Variants in SMAD3 observed in about 807,000 individuals in gnomAD.
SMAD3 encodes MAD homolog 3.
Under a neutral mutation model 51.8 loss-of-function variants are expected in SMAD3, and 12 were observed. The observed-to-expected ratio is 0.23, with a 90% confidence interval of 0.15 to 0.38. SMAD3 has a LOEUF of 0.38. Ranked by LOEUF, SMAD3 falls within the 10% of genes least tolerant of loss-of-function variation. The pLI is 1.00. For missense variants in SMAD3, 294 were observed against 565.6 expected (o/e 0.52, Z 4.87); for synonymous variants, 238 against 227.7 (o/e 1.05, Z -0.41).
At chr15:67,098,381 A>G (rs1960666726) in intron 1 of SMAD3, among the ~76,000 whole-genome samples, 1 of 151,708 alleles carries the variant, frequency 6.6e-6, no homozygotes, top group East Asian at 1.9e-4. Flanking sequence ...CAAGCAAGCC[A>G]GCAGGATTTG....
chr15:67,177,886 G>A (rs929999731), intron 5 of SMAD3, among the ~76,000 whole-genome samples: 3 of 152,222 alleles, frequency 2.0e-5, no homozygotes, highest in South Asian at 2.1e-4. Context: ...GGGAAATCAC[G>A]GCTGGCTTTT....
chr15:67,132,270 C>T (rs535190894), intron 1 of SMAD3, among the ~76,000 whole-genome samples: 1 of 152,306 alleles, frequency 6.6e-6, no homozygotes, highest in East Asian at 1.9e-4. Flanking sequence ...GCGAACGTCT[C>T]ACCCTGACCC....
intron 4 of SMAD3, among the ~76,000 whole-genome samples, chr15:67,169,625 T>A (rs1261757269): frequency 2.7e-5 from 4 of 145,804 alleles, no homozygotes; most frequent in Non-Finnish European, 4.6e-5. Flanking sequence ...ACGGCTTATT[T>A]TTTTTTTTTT....
chr15:67,105,703 G>A (rs1960861777), intron 1 of SMAD3, among the ~76,000 whole-genome samples: 2 of 152,234 alleles, frequency 1.3e-5, no homozygotes, highest in Admixed American at 6.5e-5. Flanking sequence ...GGGAGAAACA[G>A]GAATGTGTCT....
intron 1 of SMAD3, among the ~76,000 whole-genome samples, chr15:67,164,108 G>A (rs11852653): frequency 0.19 from 29,352 of 151,630 alleles, 3,537 homozygotes; most frequent in Non-Finnish European, 0.28. Context: ...TTAGGAGATC[G>A]AGACCATCCT....
rs760125895 is a variant in SMAD3 at position 67,092,741 on chromosome 15, A to G, written c.206+26381A>G. On this transcript the variant is annotated intron_variant, in intron 1 of 8. Transcript: ENST00000327367. Reference sequence around the variant, plus strand: ...GGTAGGGCTGTGCCCCTTTAGGCCCAAGCCTGCCCTTGCTCTTAACCTCTT... The same window carrying G: ...GGTAGGGCTGTGCCCCTTTAGGCCCGAGCCTGCCCTTGCTCTTAACCTCTT... 1.5e-3 allele frequency among the ~76,000 whole-genome samples: 235 copies of G among 152,330 alleles called. 1 individual carries two copies. The Middle Eastern group carries it at 0.031, about 20-fold the overall frequency.
At chr15:67,178,541 A>AAACTGAGGTTACAG (rs1962967068) in intron 5 of SMAD3, among the ~76,000 whole-genome samples, 1 of 152,212 alleles carries the variant, frequency 6.6e-6, no homozygotes, top group Admixed American at 6.5e-5. Flanking sequence ...ACGGACTACA[A>AAACTGAGGTTACAG]AACTGAGGTT....
chr15:67,170,521 T>G (rs770756525), intron 4 of SMAD3, 33 bp from the exon 5 acceptor site: 33 of 1,599,368 alleles, frequency 2.1e-5, no homozygotes, highest in Non-Finnish European at 2.7e-5. Context: ...CAAGAATCTT[T>G]TGTGAAGTCT....
At chr15:67,190,030 T>G (rs11629568) in intron 8 of SMAD3, among the ~76,000 whole-genome samples, 46,221 of 151,760 alleles carry the variant, frequency 0.3, 9,009 homozygotes, top group Non-Finnish European at 0.45. Context: ...ACGTGCCCGT[T>G]TGGTACAGAT....
intron 1 of SMAD3, among the ~76,000 whole-genome samples, chr15:67,145,137 G>A (rs1961941552): frequency 6.6e-6 from 1 of 152,164 alleles, no homozygotes; most frequent in Non-Finnish European, 1.5e-5. Flanking sequence ...CTGTGTGTAA[G>A]AAAAATCAGT....
In SMAD3 at chr15:67,077,236, T is replaced by C. The variant is rs946009916; in HGVS notation, c.206+10876T>C. On this transcript the variant is annotated intron_variant, in intron 1 of 8. Transcript: ENST00000327367. ...AGGCATTTCTGTATGTATGTATGTA[T>C]GTACGTATGTATGTATGTATGTATT... is the stretch of plus-strand genomic sequence containing the variant. 2.6e-5 allele frequency among the ~76,000 whole-genome samples: 4 copies of C among 152,266 alleles called. No individual in the cohort carries two copies. In the East Asian group the frequency reaches 5.8e-4, roughly 22 times the overall value.
chr15:67,168,920 G>A (rs1366365738), intron 4 of SMAD3, among the ~76,000 whole-genome samples: 1 of 152,036 alleles, frequency 6.6e-6, no homozygotes, highest in Non-Finnish European at 1.5e-5. Flanking sequence ...CGGGCCAGAG[G>A]GTCACGTTGT....
chr15:67,090,231 T>C (rs1242910345), intron 1 of SMAD3, among the ~76,000 whole-genome samples: 1 of 152,134 alleles, frequency 6.6e-6, no homozygotes, highest in East Asian at 1.9e-4. Flanking sequence ...AGAATCTTGG[T>C]GCCTCTCCTG....
chr15:67,074,034 C>T (rs550012484), intron 1 of SMAD3, among the ~76,000 whole-genome samples: 1 of 152,344 alleles, frequency 6.6e-6, no homozygotes, highest in Admixed American at 6.5e-5. Flanking sequence ...AATGACAGAT[C>T]TTTCTTAATT....
At chr15:67,166,700 G>T in intron 3 of SMAD3, 79 bp from the exon 4 acceptor site, 1 of 888,008 alleles carries the variant, frequency 1.1e-6, no homozygotes, top group Non-Finnish European at 1.9e-6. Context: ...TGGTGTGCAT[G>T]TGTGATGTCT....
chr15:67,084,272 G>A (rs1192766836), intron 1 of SMAD3, among the ~76,000 whole-genome samples: 3 of 150,846 alleles, frequency 2.0e-5, no homozygotes, highest in East Asian at 3.9e-4. Flanking sequence ...TAGTAGAGAC[G>A]GGGTTTCTTT....
In SMAD3 at chr15:67,065,817, C is replaced by T. The variant is rs1595881861; in HGVS notation, c.-338C>T. The stretch of plus-strand genomic sequence containing the variant: ...CGGAGGCGGCACCCAAACAGCTACC[C>T]CGTGCGGAAACCCAAACTTCTGCTG... On this transcript the variant is annotated 5_prime_UTR_variant, in exon 1 of 9. Coordinates refer to ENST00000327367, the MANE Select transcript of SMAD3 (RefSeq NM_005902.4). 4.7e-6 allele frequency: 1 copy of T among 210,734 alleles called. No individual in the cohort carries two copies. Among genetic ancestry groups the T allele is most frequent in the Admixed American group, 5.9e-5 (1 of 16,930 alleles). The allele number at this position is 210,734 out of a possible 1,614,324, so 13.1% of individuals were successfully genotyped here. A position where few individuals can be genotyped will look rare whatever the true frequency, so the allele number is the denominator to read the frequency against.
rs146947992 is a variant in SMAD3, at chr15:67,069,984, G to A, written c.206+3624G>A. On this transcript the variant is annotated intron_variant, in intron 1 of 8. Transcript: ENST00000327367. Reference sequence around the variant, plus strand: ...CTGCCAAAGTGCTGGGATTACAGGCGTGAGCCACCGCGCCTCACCGAATCT... The same window carrying A: ...CTGCCAAAGTGCTGGGATTACAGGCATGAGCCACCGCGCCTCACCGAATCT... 7.2e-5 allele frequency among the ~76,000 whole-genome samples: 11 copies of A among 152,264 alleles called. No homozygotes were observed. In the East Asian group the frequency reaches 7.7e-4, roughly 11 times the overall value.
intron 1 of SMAD3, among the ~76,000 whole-genome samples, chr15:67,164,442 C>T (rs1734171646): frequency 6.6e-6 from 1 of 151,758 alleles, no homozygotes; most frequent in African/African-American, 2.4e-5. Flanking sequence ...TACTTTGTCA[C>T]TCTTCTTTGG....
Sources: gnomAD v4.1 joint callset for allele counts (sites outside exome capture counted in the v4.1 genomes callset) on GRCh38, gnomAD v4.1.1 for gene constraint, MANE v1.5 for transcripts, NCBI Gene and HGNC (gene_info 2026-07-23, HGNC 2026-07-21) for gene names.